Variants in NUP62CL observed in about 807,000 individuals in gnomAD.
NUP62CL encodes the protein nucleoporin-62 C-terminal-like protein.
Under a neutral mutation model 15.3 loss-of-function variants are expected in NUP62CL, and 13 were observed. The ratio of observed to expected loss-of-function variants is 0.85; its 90% CI spans 0.55 to 1.35. The LOEUF (loss-of-function observed/expected upper bound fraction) is 1.35. NUP62CL is among the 40% of genes most tolerant of loss of function. The pLI is 0.00. For synonymous variants in NUP62CL, 54 were observed against 49.2 expected, an observed-to-expected ratio of 1.10 and a Z score of -0.41; for missense variants, 123 against 130.6, an observed-to-expected ratio of 0.94 and a Z score of 0.28.
At chrX:107,142,391 G>A (rs969621474) in intron 8 of NUP62CL, among the ~76,000 whole-genome samples, 5 of 111,348 alleles carry the variant, frequency 4.5e-5, no homozygotes, top group Non-Finnish European at 5.7e-5. Flanking sequence ...TTACTCTAAG[G>A]AGTAACTCTG....
At chrX:107,143,569 G>A (rs747876528) in intron 8 of NUP62CL, among the ~76,000 whole-genome samples, 4 of 110,871 alleles carry the variant, frequency 3.6e-5, no homozygotes, top group Non-Finnish European at 7.6e-5. Flanking sequence ...TCTTCTTAGT[G>A]CAACAGTTGT....
chrX:107,200,192 C>A (rs1261033140), intron 1 of NUP62CL, among the ~76,000 whole-genome samples: 1 of 111,900 alleles, frequency 8.9e-6, no homozygotes, highest in Non-Finnish European at 1.9e-5. Context: ...ACATTAAGTT[C>A]TTTTTTCCCC....
chrX:107,180,343 T>C (rs1327549113), intron 2 of NUP62CL, among the ~76,000 whole-genome samples: 1 of 111,876 alleles, frequency 8.9e-6, no homozygotes. Context: ...ACATGTAAAA[T>C]GATATCCATT....
chrX:107,127,355 G>A (rs1045451227), intron 8 of NUP62CL, among the ~76,000 whole-genome samples: 1 of 111,852 alleles, frequency 8.9e-6, no homozygotes, highest in African/African-American at 3.2e-5. Flanking sequence ...TAAAAAAAGT[G>A]TTCTAATACT....
rs1184706188 is a variant in NUP62CL, at chrX:107,176,391, T to G, written c.-47-1198A>C. ...TGGATGAATCTTGAAAACATTATGC[T>G]AAATGTAAGAAGCCAGACCAAAAAA... is the stretch of plus-strand genomic sequence containing the variant. On this transcript the variant is annotated intron_variant, in intron 2 of 8. Transcript: ENST00000372466. Among the ~76,000 whole-genome samples the G allele has an allele frequency of 2.7e-5, 3 of 111,389 alleles. No individual in the cohort carries two copies. The South Asian group carries it at 1.2e-3, about 43-fold the overall frequency.
chrX:107,183,892 T>C (rs1041873995), intron 2 of NUP62CL, among the ~76,000 whole-genome samples: 1 of 109,888 alleles, frequency 9.1e-6, no homozygotes, highest in Admixed American at 9.7e-5. Flanking sequence ...AAGACCAAAC[T>C]CGAAGCCAGG....
chrX:107,197,928 A>G (rs1198608659), intron 1 of NUP62CL, among the ~76,000 whole-genome samples: 2 of 112,463 alleles, frequency 1.8e-5, no homozygotes, highest in East Asian at 5.5e-4. Context: ...GACTCTTCAC[A>G]TATATTACCT....
intron 8 of NUP62CL, among the ~76,000 whole-genome samples, chrX:107,136,952 TA>T (rs1228171100): frequency 5.0e-4 from 56 of 111,275 alleles, no homozygotes; most frequent in Middle Eastern, 4.6e-3. Flanking sequence ...TAATCCCAGC[TA>T]TTTGGGAGGC....
intron 1 of NUP62CL, among the ~76,000 whole-genome samples, chrX:107,200,632 AGAG>A (rs1330266335): frequency 2.9e-5 from 3 of 103,902 alleles, no homozygotes; most frequent in East Asian, 6.4e-4. Context: ...AAAAAAAAAA[AGAG>A]AGAGAGAGAG....
rs183095028 is a variant in NUP62CL, at chrX:107,172,324, A to G, written c.58+2765T>C. On this transcript the variant is annotated intron_variant, in intron 3 of 8. Transcript: ENST00000372466. ...AACCTGGGTGACAAAGTAAGACTGT[A>G]TCTTAAAAAAAAAGGGAGGGATGAT... is the stretch of plus-strand genomic sequence containing the variant. Among the ~76,000 whole-genome samples the G allele has an allele frequency of 3.9e-3, 430 of 110,893 alleles. 1 individual carries two copies. Among genetic ancestry groups the G allele is most frequent in the Non-Finnish European group, 5.0e-3 (267 of 52,940 alleles).
intron 2 of NUP62CL, among the ~76,000 whole-genome samples, chrX:107,189,828 GGGAAGGAAGGAAGGAAGGAAGGAA>G (rs147140354): frequency 1.9e-5 from 1 of 53,745 alleles, no homozygotes. Flanking sequence ...GAAAGAAGGA[GGGAAGGAAGGAAGGAAGGAAGGAA>G]GGAAGGAAGG....
chrX:107,150,414 A>G (rs984648944), intron 7 of NUP62CL, among the ~76,000 whole-genome samples: 2 of 112,027 alleles, frequency 1.8e-5, no homozygotes, highest in African/African-American at 6.5e-5. Context: ...TCCACTAACC[A>G]CACCCAAGGG....
chrX:107,135,698 A>AAAATAAAT (rs1039471635), intron 8 of NUP62CL, among the ~76,000 whole-genome samples: 4 of 111,622 alleles, frequency 3.6e-5, no homozygotes, highest in Non-Finnish European at 1.9e-5. Flanking sequence ...CGCGTTGGCA[A>AAAATAAAT]AAATAAATAA....
At chrX:107,175,052 G>C (rs896007622) in intron 3 of NUP62CL, 37 bp downstream of exon 3, 2 of 1,058,561 alleles carry the variant, frequency 1.9e-6, no homozygotes, top group Non-Finnish European at 2.6e-6. Flanking sequence ...TGGCATCATG[G>C]GAAATAACAG....
chrX:107,185,832 G>A (rs1453666707), intron 2 of NUP62CL, among the ~76,000 whole-genome samples: 2 of 111,564 alleles, frequency 1.8e-5, no homozygotes, highest in East Asian at 5.6e-4. Flanking sequence ...CTGTATGAAA[G>A]TCACTTCAAA....
rs1350785695 is a variant in NUP62CL at position 107,191,280 on chromosome X, A to C, written c.-48+1749T>G. Among the ~76,000 whole-genome samples, 6 of 106,649 alleles carry C rather than the reference A, an allele frequency of 5.6e-5. 1 individual carries two copies. Among genetic ancestry groups the C allele is most frequent in the Non-Finnish European group, 1.2e-4 (6 of 51,968 alleles). 92.6% of individuals were successfully genotyped at this position (106,649 alleles called of 115,157 possible). On this transcript the variant is annotated intron_variant, in intron 2 of 8. Transcript: ENST00000372466. ...AAGATAACCAGATATTAATATAGGA[A>C]TACATGTACAGAGCTCCATATTTCT...
intron 3 of NUP62CL, among the ~76,000 whole-genome samples, chrX:107,169,114 C>T (rs1235585484): frequency 9.0e-6 from 1 of 111,223 alleles, no homozygotes; most frequent in Non-Finnish European, 1.9e-5. Context: ...TTTAGCAATA[C>T]GGAAAAATCT....
intron 8 of NUP62CL, among the ~76,000 whole-genome samples, chrX:107,138,277 A>AC (rs2147793554): frequency 8.9e-6 from 1 of 111,763 alleles, no homozygotes; most frequent in South Asian, 3.7e-4. Context: ...TAGACTGGAC[A>AC]CCATAAACAT....
Position 107,124,073 on chromosome X carries a change from AAAAAC to A in NUP62CL, c.*297_*301del, listed in dbSNP as rs1925329444. 1.3e-5 allele frequency: 3 copies of A among 225,973 alleles called. No individual in the cohort carries two copies. The highest frequency in any genetic ancestry group is 9.2e-5 in the African/African-American group (3 of 32,777). The allele number at this position is 225,973 out of a possible 1,213,427, so 18.6% of individuals were successfully genotyped here. A position where few individuals can be genotyped will look rare whatever the true frequency, so the allele number is the denominator to read the frequency against. ...AGTATAATTTTGATTTTCTAATACT[AAAAAC>A]AAAACTAAGGTATAATTCTCAACAG... On this transcript the variant is annotated 3_prime_UTR_variant, in exon 9 of 9. Coordinates refer to ENST00000372466, the MANE Select transcript of NUP62CL (RefSeq NM_017681.3).
Sources: allele counts gnomAD v4.1 joint callset (sites outside exome capture counted in the v4.1 genomes callset), GRCh38; gene constraint gnomAD v4.1.1; transcripts MANE v1.5; gene names NCBI Gene and HGNC (gene_info 2026-07-23, HGNC 2026-07-21).